The following CACNA1C variants were observed in gnomAD, a reference collection of about 807,000 sequenced individuals.
The protein encoded by CACNA1C is voltage-dependent L-type calcium channel subunit alpha-1C.
Under a neutral mutation model 229.0 loss-of-function variants are expected in CACNA1C, and 30 were observed. The ratio of observed to expected loss-of-function variants is 0.13; its 90% CI spans 0.10 to 0.18. The LOEUF (loss-of-function observed/expected upper bound fraction) is 0.18, where lower values mean the gene tolerates loss of function less well. Among genes scored for constraint, CACNA1C ranks in the 10% least tolerant of loss-of-function variants. CACNA1C has a pLI of 1.00. For missense variants in CACNA1C, 1,658 were observed against 2,845.0 expected, an observed-to-expected ratio of 0.58 and a Z score of 9.49; for synonymous variants, 1,114 against 1,132.5, an observed-to-expected ratio of 0.98 and a Z score of 0.33.
intron 44 of CACNA1C, 58 bp downstream of exon 44, chr12:2,685,900 G>A: frequency 1.6e-6 from 2 of 1,267,480 alleles, no homozygotes; most frequent in South Asian, 1.2e-5. Context: ...GAGAACACTG[G>A]TCAGGGATGA....
At chr12:2,265,175 G>A (rs2081891656) in intron 3 of CACNA1C, among the ~76,000 whole-genome samples, 1 of 152,194 alleles carries the variant, frequency 6.6e-6, no homozygotes, top group South Asian at 2.1e-4. Flanking sequence ...GCTGGGGGTG[G>A]ATAGAGTGAT....
At chr12:2,454,620 C>T (rs1006279715) in intron 4 of CACNA1C, among the ~76,000 whole-genome samples, 5 of 152,200 alleles carry the variant, frequency 3.3e-5, no homozygotes, top group African/African-American at 1.2e-4. Context: ...TGCTTGGTAC[C>T]TGGAAAGGGT....
intron 3 of CACNA1C, among the ~76,000 whole-genome samples, chr12:2,304,968 C>T (rs1182321513): frequency 1.3e-5 from 2 of 152,120 alleles, no homozygotes; most frequent in Non-Finnish European, 2.9e-5. Context: ...CCTAGTTGAA[C>T]ACTTCTCTTG....
intron 42 of CACNA1C, among the ~76,000 whole-genome samples, chr12:2,680,160 C>T (rs549615658): frequency 6.6e-6 from 1 of 152,332 alleles, no homozygotes; most frequent in South Asian, 2.1e-4. Context: ...CCTGGCCTTT[C>T]TCCCAGCCGA....
rs534181274 is a variant in CACNA1C, at chr12:2,253,881, A to G, written c.477+133451A>G. On this transcript the variant is annotated intron_variant, in intron 3 of 46. Transcript: ENST00000399655. Reference sequence around the variant, plus strand: ...ATGATGTGAAAACCTTCTGTCTCACATGCCTGATTTATGGGATCACTGGAG... The same window carrying G: ...ATGATGTGAAAACCTTCTGTCTCACGTGCCTGATTTATGGGATCACTGGAG... 1.2e-3 allele frequency among the ~76,000 whole-genome samples: 189 copies of G among 152,324 alleles called. 1 individual carries two copies. The highest frequency in any genetic ancestry group is 4.3e-3 in the African/African-American group (180 of 41,574).
rs1416694528 is a variant in CACNA1C at position 2,630,266 on chromosome 12, C to T, written c.3829-4031C>T. ...CGTAAGACGTGTATGATTTTTTTCC[C>T]ACCCTCCCTTCTCCATTACACCCTT... On this transcript the variant is annotated intron_variant, in intron 29 of 46. Coordinates refer to ENST00000399655, the MANE Select transcript of CACNA1C (RefSeq NM_000719.7). This position sits in a 1 kb window ranked among gnomAD's most constrained non-coding sequence, Gnocchi z 5.4. 6.6e-6 allele frequency among the ~76,000 whole-genome samples: 1 copy of T among 152,116 alleles called. No individual in the cohort carries two copies. The highest frequency in any genetic ancestry group is 2.4e-5 in the African/African-American group (1 of 41,412).
intron 3 of CACNA1C, among the ~76,000 whole-genome samples, chr12:2,154,436 C>T (rs151145395): frequency 5.3e-5 from 8 of 152,346 alleles, no homozygotes; most frequent in Non-Finnish European, 8.8e-5. Flanking sequence ...TCATCGTGGT[C>T]GTGGCCAGCT....
At chr12:2,141,502 T>C (rs2094185067) in intron 3 of CACNA1C, among the ~76,000 whole-genome samples, 1 of 151,338 alleles carries the variant, frequency 6.6e-6, no homozygotes, top group Non-Finnish European at 1.5e-5. Flanking sequence ...GTGAGGTGTT[T>C]TCCCGTCTCT....
At chr12:2,093,939 A>G (rs569022589) in intron 1 of CACNA1C, among the ~76,000 whole-genome samples, 1 of 152,218 alleles carries the variant, frequency 6.6e-6, no homozygotes, top group Non-Finnish European at 1.5e-5. Flanking sequence ...TACTGAGTGC[A>G]TAGAGCAGAC....
chr12:2,122,377 G>A (rs1197341707), intron 3 of CACNA1C, among the ~76,000 whole-genome samples: 1 of 152,088 alleles, frequency 6.6e-6, no homozygotes, highest in African/African-American at 2.4e-5. Context: ...CCACAATGTC[G>A]CACTTCCCCT....
rs2096716981 is a variant in CACNA1C at position 2,674,713 on chromosome 12, A to G, written c.4828+71A>G. On this transcript the variant is annotated intron_variant, in intron 39 of 46. Transcript: ENST00000399655. ...GCCCCCCTCTGCCTGCCTCTCCTCC[A>G]GCTGTGGCACCCTTAGAATGCGGAA... The G allele has an allele frequency of 2.2e-6, 3 of 1,391,806 alleles. No homozygotes were observed. In the South Asian group the frequency reaches 4.0e-5, roughly 19 times the overall value. 86.2% of individuals were successfully genotyped at this position (1,391,806 alleles called of 1,614,324 possible).
chr12:2,641,016 C>T (rs1438176533), intron 30 of CACNA1C, among the ~76,000 whole-genome samples: 2 of 152,216 alleles, frequency 1.3e-5, no homozygotes, highest in South Asian at 2.1e-4. Context: ...GCTGTAACCA[C>T]GCCTCCTGCC....
At chr12:2,322,709 G>A (rs1264996132) in intron 3 of CACNA1C, among the ~76,000 whole-genome samples, 4 of 152,144 alleles carry the variant, frequency 2.6e-5, no homozygotes, top group Non-Finnish European at 5.9e-5. Flanking sequence ...TTACCATGCC[G>A]CGTTGCACGG....
intron 3 of CACNA1C, among the ~76,000 whole-genome samples, chr12:2,124,449 G>A (rs932715976): frequency 1.3e-5 from 2 of 152,190 alleles, no homozygotes; most frequent in African/African-American, 2.4e-5. Context: ...AGAGGAAGGG[G>A]TGCTGGTTTT....
At chr12:2,364,187 T>C (rs2097658671) in intron 3 of CACNA1C, among the ~76,000 whole-genome samples, 1 of 152,226 alleles carries the variant, frequency 6.6e-6, no homozygotes, top group Non-Finnish European at 1.5e-5. Context: ...TAGTTCTCTT[T>C]TTTTTCTCCA....
At chr12:2,686,508 TTGTG>T (rs1465246477) in intron 45 of CACNA1C, among the ~76,000 whole-genome samples, 3 of 152,202 alleles carry the variant, frequency 2.0e-5, no homozygotes, top group African/African-American at 7.2e-5. Context: ...CAGGAGCTCT[TTGTG>T]TGATCCTGAG....
chr12:2,631,927 G>A (rs1157541226), intron 29 of CACNA1C, among the ~76,000 whole-genome samples: 2 of 152,238 alleles, frequency 1.3e-5, no homozygotes, highest in African/African-American at 2.4e-5. Flanking sequence ...TGGGAAGTGG[G>A]AAGTTAAGGG....
chr12:2,322,467 G>A lies in CACNA1C; in HGVS notation c.478-126509G>A, dbSNP rs893554152. 1.1e-4 allele frequency among the ~76,000 whole-genome samples: 17 copies of A among 152,154 alleles called. 1 individual carries two copies. Among genetic ancestry groups the A allele is most frequent in the Admixed American group, 6.5e-4 (10 of 15,280 alleles). On this transcript the variant is annotated intron_variant, in intron 3 of 46. Transcript: ENST00000399655. ...GTCATGATGCCCGGGCATGTGTGGC[G>A]CTGTACAGTCATGAATCACTTCCAT...
rs1159663608 is a variant in CACNA1C at position 2,666,306 on chromosome 12, C to A, written c.4527-380C>A. 6.6e-6 allele frequency among the ~76,000 whole-genome samples: 1 copy of A among 150,456 alleles called. No individual in the cohort carries two copies. Among genetic ancestry groups the A allele is most frequent in the Non-Finnish European group, 1.5e-5 (1 of 67,714 alleles). Reference sequence around the variant, plus strand: ...TAGGATAGGTAGGGCCGGGGAAAATCTTGATTCCATTCCCGCTTCTGGTCT... The same window carrying A: ...TAGGATAGGTAGGGCCGGGGAAAATATTGATTCCATTCCCGCTTCTGGTCT... On this transcript the variant is annotated intron_variant, in intron 36 of 46. Transcript: ENST00000399655. This position sits in a 1 kb window ranked among gnomAD's most constrained non-coding sequence, Gnocchi z 5.3.
Sources: gnomAD v4.1 joint callset for allele counts (sites outside exome capture counted in the v4.1 genomes callset) on GRCh38, gnomAD v4.1.1 for gene constraint, Gnocchi (gnomAD v3.1) non-coding constraint, MANE v1.5 for transcripts, NCBI Gene and HGNC (gene_info 2026-07-23, HGNC 2026-07-21) for gene names.